SP3: variants seen among roughly 807,000 people sequenced by gnomAD.
The protein encoded by SP3 is transcription factor Sp3.
Under a neutral mutation model 70.3 loss-of-function variants are expected in SP3, and 10 were observed. The observed-to-expected ratio is 0.14, with a 90% CI of 0.09 to 0.24. SP3 has a LOEUF of 0.24. Among genes scored for constraint, SP3 ranks in the 10% least tolerant of loss-of-function variants. The pLI is 1.00. For missense variants in SP3, 825 were observed against 914.6 expected (o/e 0.90, Z 1.26); for synonymous variants, 402 against 333.5 (o/e 1.21, Z -2.24).
chr2:173,959,300 C>T (rs1392881229), intron 3 of SP3, among the ~76,000 whole-genome samples: 3 of 149,152 alleles, frequency 2.0e-5, no homozygotes. Context: ...AGATAAAGTA[C>T]ACTAAATACC....
intron 4 of SP3, among the ~76,000 whole-genome samples, chr2:173,933,639 T>TATAC (rs1690129362): frequency 6.4e-5 from 1 of 15,552 alleles, no homozygotes; most frequent in South Asian, 2.2e-3. Flanking sequence ...TATAAAACTT[T>TATAC]ATATATATAT....
chr2:173,924,043 G>A (rs555890466), intron 4 of SP3, among the ~76,000 whole-genome samples: 76 of 151,970 alleles, frequency 5.0e-4, no homozygotes, highest in Middle Eastern at 3.4e-3. Flanking sequence ...CACTTTAGGG[G>A]TTAGGTTTTT....
chr2:173,964,153 C>T, intron 2 of SP3: 2 of 384,500 alleles, frequency 5.2e-6, no homozygotes, highest in Non-Finnish European at 9.2e-6. Context: ...CGCCCGGAAC[C>T]CACCCCCGGG....
intron 4 of SP3, among the ~76,000 whole-genome samples, chr2:173,947,843 A>ATAT (rs1690590580): frequency 6.6e-6 from 1 of 152,142 alleles, no homozygotes; most frequent in Admixed American, 6.5e-5. Flanking sequence ...GCAAGCCCCA[A>ATAT]AACTCATATA....
intron 3 of SP3, among the ~76,000 whole-genome samples, chr2:173,959,130 T>C (rs1368818217): frequency 6.6e-6 from 1 of 152,182 alleles, no homozygotes; most frequent in Non-Finnish European, 1.5e-5. Context: ...TTTTGAGGTA[T>C]TAAGAGCCTT....
intron 4 of SP3, among the ~76,000 whole-genome samples, chr2:173,925,113 C>T (rs1295293036): frequency 6.6e-6 from 1 of 152,182 alleles, no homozygotes; most frequent in East Asian, 1.9e-4. Context: ...GTCTCAAACT[C>T]CTGACCTCAG....
intron 5 of SP3, among the ~76,000 whole-genome samples, chr2:173,917,501 G>A (rs1170681442): frequency 1.3e-5 from 2 of 151,978 alleles, no homozygotes; most frequent in African/African-American, 2.4e-5. Context: ...CTGGGAATAC[G>A]GTAAACTCTC....
chr2:173,965,034 C>G (rs1165699683), intron 1 of SP3, 131 bp downstream of exon 1: 2 of 1,255,276 alleles, frequency 1.6e-6, no homozygotes, highest in Non-Finnish European at 2.2e-6. Flanking sequence ...GGGAGTGCAG[C>G]TTTCTGCCTC....
chr2:173,941,913 G>T (rs1257687423), intron 4 of SP3, among the ~76,000 whole-genome samples: 3 of 152,154 alleles, frequency 2.0e-5, no homozygotes, highest in Non-Finnish European at 4.4e-5. Flanking sequence ...CTAGACCACA[G>T]TAAGTAGTTT....
At chr2:173,931,162 G>C (rs1265054194) in intron 4 of SP3, among the ~76,000 whole-genome samples, 1 of 152,198 alleles carries the variant, frequency 6.6e-6, no homozygotes, top group Non-Finnish European at 1.5e-5. Context: ...AATCATCTGA[G>C]CCTTCAGTAA....
intron 6 of SP3, among the ~76,000 whole-genome samples, chr2:173,911,368 C>T (rs564192951): frequency 1.2e-4 from 18 of 152,078 alleles, no homozygotes; most frequent in Non-Finnish European, 1.9e-4. Flanking sequence ...TTCACCGCTA[C>T]AAAAAAAGGT....
intron 4 of SP3, among the ~76,000 whole-genome samples, chr2:173,942,123 T>A (rs145931228): frequency 6.6e-6 from 1 of 152,346 alleles, no homozygotes; most frequent in East Asian, 1.9e-4. Context: ...TTAAACCAGC[T>A]GCACTTCAAA....
In SP3 at chr2:173,910,631, G is replaced by A. The variant is rs149457570; in HGVS notation, c.2030-374C>T. ...TCTAAATAAAAGTATATTCTTTCAC[G>A]CTATAATTAAAATACTAACATGCCA... is the stretch of plus-strand genomic sequence containing the variant. On this transcript the variant is annotated intron_variant, in intron 6 of 6. Transcript: ENST00000310015. 5.2e-3 allele frequency among the ~76,000 whole-genome samples: 797 copies of A among 152,132 alleles called. 3 individuals are homozygous for A. Among genetic ancestry groups the A allele is most frequent in the African/African-American group, 0.018 (761 of 41,488 alleles).
intron 1 of SP3, chr2:173,964,889 C>A (rs1691242629): frequency 2.0e-6 from 1 of 506,838 alleles, no homozygotes; most frequent in Non-Finnish European, 3.4e-6. Context: ...CACTCACACA[C>A]GCCCGCCCGC....
rs547891561 is a variant in SP3, at chr2:173,952,375, T to C, written c.1639+2498A>G. On this transcript the variant is annotated intron_variant, in intron 4 of 6. Transcript: ENST00000310015. Reference sequence around the variant, plus strand: ...CAGTAGGAACTACAAACCAAAACCATAAAAAGATACCACTTCACACCCACT... The same window carrying C: ...CAGTAGGAACTACAAACCAAAACCACAAAAAGATACCACTTCACACCCACT... Among the ~76,000 whole-genome samples the C allele has an allele frequency of 5.3e-5, 8 of 152,224 alleles. No homozygotes were observed. In the South Asian group the frequency reaches 1.7e-3, roughly 32 times the overall value.
At chr2:173,960,167 C>G (rs529239732) in intron 3 of SP3, among the ~76,000 whole-genome samples, 1 of 152,250 alleles carries the variant, frequency 6.6e-6, no homozygotes, top group South Asian at 2.1e-4. Flanking sequence ...GAGCCTTTCT[C>G]AAAAAACAAA....
In SP3 at chr2:173,912,650, G is replaced by T. The variant is rs112606534; in HGVS notation, c.2029+420C>A. 1.1e-3 allele frequency among the ~76,000 whole-genome samples: 174 copies of T among 152,098 alleles called. 3 individuals are homozygous for T. Among genetic ancestry groups the T allele is most frequent in the African/African-American group, 4.0e-3 (166 of 41,500 alleles). On this transcript the variant is annotated intron_variant, in intron 6 of 6. Transcript: ENST00000310015. Reference sequence around the variant, plus strand: ...TGAAATACCTTTCCCTTACCTCAGAGATACTAAAAACAAAAGAAAAGGTGA... The same window carrying T: ...TGAAATACCTTTCCCTTACCTCAGATATACTAAAAACAAAAGAAAAGGTGA...
At chr2:173,924,716 G>C (rs774549815) in intron 4 of SP3, among the ~76,000 whole-genome samples, 8 of 152,166 alleles carry the variant, frequency 5.3e-5, no homozygotes, top group Non-Finnish European at 1.0e-4. Flanking sequence ...CCATATTGCA[G>C]ATATTGCTAA....
In SP3 at chr2:173,906,196, C is replaced by T. The variant is rs1389688504; in HGVS notation, c.*3745G>A. ...ATACCACACTGTACCTTTGCAAACGCCATTTCTGCTGAGTTTCCCAGACTT... is the reference window on the plus strand; with the variant it reads ...ATACCACACTGTACCTTTGCAAACGTCATTTCTGCTGAGTTTCCCAGACTT... On this transcript the variant is annotated 3_prime_UTR_variant, in exon 7 of 7. Coordinates refer to ENST00000310015, the MANE Select transcript of SP3 (RefSeq NM_003111.5). 5.3e-5 allele frequency among the ~76,000 whole-genome samples: 8 copies of T among 152,178 alleles called. No homozygotes were observed.
Sources: allele counts gnomAD v4.1 joint callset (sites outside exome capture counted in the v4.1 genomes callset), GRCh38; gene constraint gnomAD v4.1.1; transcripts MANE v1.5; gene names NCBI Gene and HGNC (gene_info 2026-07-23, HGNC 2026-07-21).